SNX29: variants seen among roughly 807,000 people sequenced by gnomAD.
SNX29 encodes sorting nexin 29, also known as sorting nexin-29.
In SNX29, 78 loss-of-function variants were observed where a neutral mutation model predicts 102.1. The observed-to-expected ratio is 0.76, with a 90% CI of 0.64 to 0.92. SNX29 has a LOEUF of 0.92. Ranked by LOEUF, SNX29 falls within the 40% of genes least tolerant of loss-of-function variation. The probability of loss-of-function intolerance (pLI) is 0.00; values close to 1 mark genes in which losing one functional copy is unlikely to be tolerated. For synonymous variants in SNX29, 580 were observed against 414.5 expected, an observed-to-expected ratio of 1.40 and a Z score of -4.85; for missense variants, 1,280 against 1,061.7, an observed-to-expected ratio of 1.21 and a Z score of -2.86.
At chr16:12,411,937 A>G (rs1210616099) in intron 18 of SNX29, among the ~76,000 whole-genome samples, 2 of 152,194 alleles carry the variant, frequency 1.3e-5, no homozygotes, top group African/African-American at 4.8e-5. Flanking sequence ...CCCTTGTTGA[A>G]TCAAATGTCT....
At chr16:12,172,469 A>G (rs941914758) in intron 13 of SNX29, among the ~76,000 whole-genome samples, 6 of 152,080 alleles carry the variant, frequency 3.9e-5, no homozygotes, top group African/African-American at 1.2e-4. Context: ...TCCCACCTCT[A>G]CCATCTGGCA....
chr16:12,450,200 A>G (rs1278719503), intron 18 of SNX29, among the ~76,000 whole-genome samples: 2 of 152,190 alleles, frequency 1.3e-5, no homozygotes, highest in African/African-American at 4.8e-5. Context: ...TTTATAAATT[A>G]CCCAGTCTCA....
chr16:12,410,453 A>G lies in SNX29; in HGVS notation c.2037+6924A>G, dbSNP rs879124252. On this transcript the variant is annotated intron_variant, in intron 18 of 20. Transcript: ENST00000566228. ...TCACATAGCCTGAGTGGTTATTATT[A>G]TTACTTTGTTGGAGACAGGGTCTCG... is the stretch of plus-strand genomic sequence containing the variant. Among the ~76,000 whole-genome samples the G allele has an allele frequency of 3.3e-5, 5 of 151,784 alleles. No homozygotes were observed. In the East Asian group the frequency reaches 7.9e-4, roughly 24 times the overall value.
At chr16:12,377,685 G>A (rs2082928861) in intron 16 of SNX29, among the ~76,000 whole-genome samples, 1 of 152,194 alleles carries the variant, frequency 6.6e-6, no homozygotes, top group Admixed American at 6.5e-5. Context: ...GTGGTGATGG[G>A]AATGATGCTG....
chr16:12,380,691 C>CCCA (rs2083067043), intron 16 of SNX29, among the ~76,000 whole-genome samples: 3 of 89,992 alleles, frequency 3.3e-5, no homozygotes, highest in African/African-American at 1.3e-4. Flanking sequence ...CCACCATCCA[C>CCCA]CCATCCACCC....
chr16:12,143,566 C>T (rs1182228083), intron 13 of SNX29, among the ~76,000 whole-genome samples: 2 of 152,150 alleles, frequency 1.3e-5, no homozygotes, highest in Non-Finnish European at 2.9e-5. Context: ...TAGAAAACCA[C>T]GGTGGTAACA....
intron 11 of SNX29, among the ~76,000 whole-genome samples, chr16:12,104,238 A>G (rs2053136966): frequency 6.6e-6 from 1 of 152,150 alleles, no homozygotes; most frequent in African/African-American, 2.4e-5. Flanking sequence ...CACCCAGGCT[A>G]TGGTTCTTTG....
chr16:12,255,506 G>C (rs918765623), intron 14 of SNX29, among the ~76,000 whole-genome samples: 1 of 152,106 alleles, frequency 6.6e-6, no homozygotes, highest in Non-Finnish European at 1.5e-5. Flanking sequence ...TCCAACTGAA[G>C]CTTTGTACTT....
intron 10 of SNX29, among the ~76,000 whole-genome samples, chr16:12,070,319 C>A (rs2051236997): frequency 9.3e-6 from 1 of 108,082 alleles, no homozygotes. Context: ...TAATGCTATC[C>A]CTCCCCCCTC....
intron 18 of SNX29, among the ~76,000 whole-genome samples, chr16:12,455,445 C>T (rs1248093391): frequency 6.6e-6 from 1 of 152,108 alleles, no homozygotes; most frequent in Non-Finnish European, 1.5e-5. Context: ...CTCTAGGTGG[C>T]GGTGGCCACC....
intron 20 of SNX29, among the ~76,000 whole-genome samples, chr16:12,539,959 G>A (rs2077251990): frequency 6.6e-6 from 1 of 152,208 alleles, no homozygotes; most frequent in Non-Finnish European, 1.5e-5. Context: ...TGTCGAACAT[G>A]TGAGTTGCAC....
At chr16:12,371,563 C>G (rs1204969805) in intron 16 of SNX29, among the ~76,000 whole-genome samples, 3 of 152,228 alleles carry the variant, frequency 2.0e-5, no homozygotes, top group Non-Finnish European at 4.4e-5. Context: ...CCTCAGCCTC[C>G]CAAAGTGCTG....
At chr16:12,076,195 A>G (rs1347833638) in intron 10 of SNX29, among the ~76,000 whole-genome samples, 1 of 152,058 alleles carries the variant, frequency 6.6e-6, no homozygotes, top group Admixed American at 6.5e-5. Flanking sequence ...CCGTAGTGAG[A>G]TGAACCCAGT....
At chr16:12,315,605 C>T (rs2080706545) in intron 15 of SNX29, among the ~76,000 whole-genome samples, 1 of 152,098 alleles carries the variant, frequency 6.6e-6, no homozygotes, top group Admixed American at 6.5e-5. Flanking sequence ...AAAGACACCA[C>T]AAAAAAGATG....
intron 9 of SNX29, among the ~76,000 whole-genome samples, chr16:12,063,676 G>T (rs2050889457): frequency 6.6e-6 from 1 of 151,994 alleles, no homozygotes; most frequent in African/African-American, 2.4e-5. Context: ...ACCGTGCCCG[G>T]CCTTTTCTAG....
chr16:12,472,005 G>A lies in SNX29; in HGVS notation c.2038-5714G>A, dbSNP rs74759880. Among the ~76,000 whole-genome samples the A allele has an allele frequency of 1.1e-4, 16 of 152,336 alleles. No individual in the cohort carries two copies. The East Asian group carries it at 3.1e-3, about 29-fold the overall frequency. ...GCCACACACGCAAATGTTCATAGTT[G>A]CTTTATTCATGAAAGTCTCAACTTG... On this transcript the variant is annotated intron_variant, in intron 18 of 20. Transcript: ENST00000566228.
chr16:12,495,760 A>G (rs2088789097), intron 19 of SNX29, among the ~76,000 whole-genome samples: 2 of 152,108 alleles, frequency 1.3e-5, no homozygotes, highest in Admixed American at 6.5e-5. Flanking sequence ...GAGAGACAGA[A>G]TGTCTGCAGC....
intron 20 of SNX29, among the ~76,000 whole-genome samples, chr16:12,557,848 A>G (rs1346287294): frequency 6.6e-6 from 1 of 152,204 alleles, no homozygotes; most frequent in Non-Finnish European, 1.5e-5. Flanking sequence ...TCAATGTGAC[A>G]TGACCATAGC....
chr16:12,433,485 GC>G (rs755137341), intron 18 of SNX29, among the ~76,000 whole-genome samples: 2 of 152,014 alleles, frequency 1.3e-5, no homozygotes, highest in Non-Finnish European at 2.9e-5. Flanking sequence ...AGAACAATTA[GC>G]CTGGCGTGGT....
Sources: gnomAD v4.1 joint callset for allele counts (sites outside exome capture counted in the v4.1 genomes callset) on GRCh38, gnomAD v4.1.1 for gene constraint, MANE v1.5 for transcripts, NCBI Gene and HGNC (gene_info 2026-07-23, HGNC 2026-07-21) for gene names.